Variants in FOCAD observed in about 807,000 individuals in gnomAD.
FOCAD encodes the protein focadhesin.
FOCAD carries 198 observed loss-of-function variants against 225.6 expected under a neutral mutation model. That is an observed-to-expected ratio of 0.88 (90% confidence interval 0.78 to 0.99). The LOEUF (loss-of-function observed/expected upper bound fraction) is 0.99. Ranked by LOEUF, FOCAD falls within the 50% of genes least tolerant of loss-of-function variation. FOCAD has a pLI of 0.00. For missense variants in FOCAD, 2,713 were observed against 2,123.6 expected (o/e 1.28, Z -5.46); for synonymous variants, 897 against 755.0 (o/e 1.19, Z -3.08).
At chr9:20,810,117 C>G (rs1032161052) in intron 11 of FOCAD, among the ~76,000 whole-genome samples, 2 of 152,196 alleles carry the variant, frequency 1.3e-5, no homozygotes, top group African/African-American at 4.8e-5. Context: ...GTTCATGAGG[C>G]AAAGTCAAGA....
chr9:20,869,752 T>C (rs899475541), intron 18 of FOCAD, among the ~76,000 whole-genome samples: 14 of 152,276 alleles, frequency 9.2e-5, no homozygotes, highest in African/African-American at 3.4e-4. Flanking sequence ...TTATTTGGTA[T>C]ATACTAAGTG....
At chr9:20,861,994 A>C (rs540981244) in intron 15 of FOCAD, among the ~76,000 whole-genome samples, 1 of 152,280 alleles carries the variant, frequency 6.6e-6, no homozygotes, top group African/African-American at 2.4e-5. Context: ...GATTTATTTT[A>C]TCATTAATGA....
intron 21 of FOCAD, among the ~76,000 whole-genome samples, chr9:20,897,919 G>A (rs1292173469): frequency 2.0e-5 from 3 of 151,714 alleles, no homozygotes; most frequent in African/African-American, 7.3e-5. Flanking sequence ...TCCTGCAAGG[G>A]AAATGTACGG....
chr9:20,854,808 A>T (rs1564075077), intron 15 of FOCAD, among the ~76,000 whole-genome samples: 1 of 151,766 alleles, frequency 6.6e-6, no homozygotes, highest in African/African-American at 2.4e-5. Flanking sequence ...TCTAGGTATT[A>T]TCCCTCATGA....
intron 10 of FOCAD, 38 bp downstream of exon 10, chr9:20,781,967 C>T (rs780403649): frequency 6.3e-5 from 100 of 1,579,016 alleles, no homozygotes; most frequent in Non-Finnish European, 7.8e-5. Flanking sequence ...AATAAAGTGT[C>T]GATGTGGGAT....
chr9:20,831,066 T>A (rs1482817536), intron 15 of FOCAD, among the ~76,000 whole-genome samples: 3 of 152,096 alleles, frequency 2.0e-5, no homozygotes, highest in Admixed American at 6.6e-5. Flanking sequence ...AATTATTCTG[T>A]GTTTTTTTTA....
At chr9:20,974,153 T>C (rs1027734874) in intron 35 of FOCAD, among the ~76,000 whole-genome samples, 8 of 148,394 alleles carry the variant, frequency 5.4e-5, no homozygotes, top group Non-Finnish European at 1.0e-4. Flanking sequence ...TTCTCCTTTC[T>C]GTAGCTGTTT....
rs545976303 is a variant in FOCAD at position 20,986,266 on chromosome 9, A to ATTTTT, written c.4729-9_4729-5dup. ...CAGTTAATTTAATAGTAACTAAACA[A>ATTTTT]TTTTTTTTTTTTTTTTTGCAGAGCA... On this transcript the variant is annotated intron_variant, in intron 39 of 43. Transcript: ENST00000338382. 380 of 710,010 alleles carry ATTTTT rather than the reference A, an allele frequency of 5.4e-4. 25 individuals are homozygous for ATTTTT. Among genetic ancestry groups the ATTTTT allele is most frequent in the East Asian group, 1.6e-3 (13 of 8,236 alleles). The allele number at this position is 710,010 out of a possible 1,614,324, so 44.0% of individuals were successfully genotyped here.
At chr9:20,660,100 C>A (rs1005099429) in intron 2 of FOCAD, among the ~76,000 whole-genome samples, 2 of 152,044 alleles carry the variant, frequency 1.3e-5, no homozygotes, top group African/African-American at 4.8e-5. Flanking sequence ...GTGGGACATC[C>A]TTATGGACAG....
At chr9:20,773,629 A>G (rs997466695) in intron 8 of FOCAD, among the ~76,000 whole-genome samples, 2 of 152,126 alleles carry the variant, frequency 1.3e-5, no homozygotes, top group South Asian at 2.1e-4. Context: ...TATAGTAACT[A>G]CTTCCTTACA....
chr9:20,844,739 G>T (rs1826908818), intron 15 of FOCAD, among the ~76,000 whole-genome samples: 1 of 152,048 alleles, frequency 6.6e-6, no homozygotes, highest in Non-Finnish European at 1.5e-5. Context: ...GTCACTTTGG[G>T]TATTTAGAGG....
At chr9:20,719,472 A>G (rs572593681) in intron 3 of FOCAD, among the ~76,000 whole-genome samples, 2 of 152,238 alleles carry the variant, frequency 1.3e-5, no homozygotes, top group Non-Finnish European at 2.9e-5. Flanking sequence ...AAGTTGCATC[A>G]GGAAAAAGGA....
intron 28 of FOCAD, among the ~76,000 whole-genome samples, chr9:20,936,597 G>A (rs1309099824): frequency 6.6e-6 from 1 of 152,100 alleles, no homozygotes; most frequent in Non-Finnish European, 1.5e-5. Flanking sequence ...GGGAGGCCGA[G>A]GCAGGTGGAT....
intron 21 of FOCAD, among the ~76,000 whole-genome samples, chr9:20,901,803 A>G (rs1179788559): frequency 1.3e-5 from 2 of 152,008 alleles, no homozygotes; most frequent in Non-Finnish European, 2.9e-5. Flanking sequence ...GAATTTCAAT[A>G]TATAAAAATT....
chr9:20,910,251 C>T (rs1354958168), intron 22 of FOCAD, among the ~76,000 whole-genome samples: 2 of 152,036 alleles, frequency 1.3e-5, no homozygotes, highest in African/African-American at 2.4e-5. Flanking sequence ...CAGTCTTTAT[C>T]TTGTTACCCT....
At chr9:20,763,866 A>T (rs969644696) in intron 6 of FOCAD, among the ~76,000 whole-genome samples, 1 of 152,136 alleles carries the variant, frequency 6.6e-6, no homozygotes, top group Non-Finnish European at 1.5e-5. Context: ...TGTTTTAGTG[A>T]ATTTGGACTA....
rs140731330 is a variant in FOCAD, at chr9:20,986,361, C to G, written c.4802C>G (p.Thr1601Ser). The change falls in exon 40 of 44, where the codon ACC (threonine) becomes AGC (serine). Residue 1601 changes from threonine (T) to serine (S), a missense_variant. By Grantham distance (58) the Thr-to-Ser change is moderately conservative (BLOSUM62 1). Coordinates refer to ENST00000338382, the MANE Select transcript of FOCAD (RefSeq NM_001375567.1). ...GGACGATTCCCCTTGGTGAACCTGA[C>G]CGATATGCTGAGCGTTGCTGTGCAG... ...SQGRFPLVNL[T>S]DMLSVAVQHR... The G allele has an allele frequency of 9.4e-6, 15 of 1,594,048 alleles. No individual in the cohort carries two copies. The African/African-American group carries it at 2.1e-4, about 22-fold the overall frequency.
chr9:20,732,432 A>G (rs1826791963), intron 4 of FOCAD, among the ~76,000 whole-genome samples: 1 of 152,144 alleles, frequency 6.6e-6, no homozygotes, highest in South Asian at 2.1e-4. Context: ...CTGCTGTGGG[A>G]AGGAGATTGG....
At chr9:20,945,897 A>T (rs1837126597) in intron 29 of FOCAD, among the ~76,000 whole-genome samples, 1 of 152,130 alleles carries the variant, frequency 6.6e-6, no homozygotes, top group South Asian at 2.1e-4. Context: ...CTTATAAGGG[A>T]GGTTTTTTAT....
Sources: gnomAD v4.1 joint callset for allele counts (sites outside exome capture counted in the v4.1 genomes callset) on GRCh38, gnomAD v4.1.1 for gene constraint, MANE v1.5 for transcripts, NCBI Gene and HGNC (gene_info 2026-07-23, HGNC 2026-07-21) for gene names.